The following KIAA1671 variants were observed in gnomAD, a reference collection of about 807,000 sequenced individuals.
The protein encoded by KIAA1671 is KIAA1671.
In KIAA1671, 52 loss-of-function variants were observed where a neutral mutation model predicts 131.2. The observed-to-expected ratio is 0.40, with a 90% CI of 0.32 to 0.50. The LOEUF is 0.50. Among genes scored for constraint, KIAA1671 ranks in the 20% least tolerant of loss-of-function variants. KIAA1671 has a pLI of 0.73. For synonymous variants in KIAA1671, 1,003 were observed against 961.6 expected (o/e 1.04, Z -0.80); for missense variants, 2,360 against 2,364.2 (o/e 1.00, Z 0.04).
At chr22:25,015,548 A>G (rs1925265348) in intron 1 of KIAA1671, among the ~76,000 whole-genome samples, 1 of 152,216 alleles carries the variant, frequency 6.6e-6, no homozygotes, top group Non-Finnish European at 1.5e-5. Flanking sequence ...CCAGATCAGC[A>G]GCTGCACTTG....
intron 6 of KIAA1671, among the ~76,000 whole-genome samples, chr22:25,115,689 T>C (rs926630307): frequency 7.9e-5 from 12 of 152,242 alleles, no homozygotes; most frequent in African/African-American, 2.9e-4. Context: ...TTGTATTTAC[T>C]GTGTGCAGGG....
At chr22:25,104,295 C>G (rs1409460864) in intron 6 of KIAA1671, among the ~76,000 whole-genome samples, 2 of 152,184 alleles carry the variant, frequency 1.3e-5, no homozygotes, top group Non-Finnish European at 2.9e-5. Context: ...TCTTTATTAA[C>G]ATAATATTAG....
chr22:25,029,630 AC>A (rs112794881), intron 3 of KIAA1671, 90 bp downstream of exon 3: 141,547 of 905,476 alleles, frequency 0.16, 17,642 homozygotes, highest in African/African-American at 0.55. Context: ...GGCACTTGTC[AC>A]CCCCCCTCAG....
chr22:25,000,397 T>G (rs1451929084), intron 1 of KIAA1671, among the ~76,000 whole-genome samples: 8 of 88,974 alleles, frequency 9.0e-5, no homozygotes, highest in East Asian at 3.7e-4. Flanking sequence ...GTTTCACCGT[T>G]TTAGCCGGGA....
In KIAA1671 at chr22:25,008,306, C is replaced by A. The variant is rs866603072; in HGVS notation, c.-207-17327C>A. 8.5e-5 allele frequency among the ~76,000 whole-genome samples: 13 copies of A among 152,076 alleles called. 1 individual carries two copies. The highest frequency in any genetic ancestry group is 8.3e-4 in the South Asian group (4 of 4,818). On this transcript the variant is annotated intron_variant, in intron 1 of 12. Transcript: ENST00000358431. ...GAACCCTCCCAGGCCAGGCCAAGCC[C>A]CAGTTTTGGTGCTTGTCTGCCCTGC... is the stretch of plus-strand genomic sequence containing the variant.
intron 1 of KIAA1671, among the ~76,000 whole-genome samples, chr22:24,991,540 T>C (rs1253604479): frequency 2.0e-5 from 3 of 151,204 alleles, no homozygotes; most frequent in African/African-American, 7.3e-5. Flanking sequence ...CACTGCAAGC[T>C]GTACCTCTGG....
At chr22:25,147,662 C>T (rs1024835918) in intron 6 of KIAA1671, among the ~76,000 whole-genome samples, 1 of 152,162 alleles carries the variant, frequency 6.6e-6, no homozygotes, top group Non-Finnish European at 1.5e-5. Flanking sequence ...TATTTAAAAT[C>T]ATAACATTCC....
chr22:25,155,361 G>T (rs1350249650), intron 6 of KIAA1671, among the ~76,000 whole-genome samples: 1 of 152,034 alleles, frequency 6.6e-6, no homozygotes, highest in African/African-American at 2.4e-5. Context: ...GTGCATTTGT[G>T]TGTGTATTAT....
intron 1 of KIAA1671, among the ~76,000 whole-genome samples, chr22:24,970,668 A>C (rs886114507): frequency 1.3e-5 from 2 of 151,860 alleles, no homozygotes; most frequent in Non-Finnish European, 2.9e-5. Context: ...GCCACACTGG[A>C]AGAAGAAAAA....
intron 2 of KIAA1671, among the ~76,000 whole-genome samples, chr22:25,027,149 A>G (rs947152656): frequency 2.2e-4 from 34 of 152,284 alleles, no homozygotes; most frequent in Admixed American, 1.9e-3. Flanking sequence ...TGCGTGTTCA[A>G]CAGAAAAGAA....
rs1482748753 is a variant in KIAA1671, at chr22:25,038,856, G to A, written c.1726G>A (p.Val576Ile). 4 of 1,551,646 alleles carry A rather than the reference G, an allele frequency of 2.6e-6. No individual in the cohort carries two copies. In the South Asian group the frequency reaches 3.6e-5, roughly 14 times the overall value. ...RDKSRQTEQKVSSNQDPDSCR... is the reference protein window; with the variant it reads ...RDKSRQTEQKISSNQDPDSCR... ...TAAGTCCAGGCAGACGGAGCAGAAG[G>A]TTAGCTCTAACCAAGACCCCGACAG... is the stretch of plus-strand genomic sequence containing the variant. Residue 576 changes from valine to isoleucine, a missense_variant, in exon 5 of 13, where the codon GTT (valine) becomes ATT (isoleucine). Around this residue, in one of 3 missense-constraint regions of KIAA1671, gnomAD observed 1,185 missense variants for 1,126.2 expected, o/e 1.05. Coordinates refer to ENST00000358431, the MANE Select transcript of KIAA1671 (RefSeq NM_001145206.2).
At chr22:25,057,709 A>G (rs908665920) in intron 6 of KIAA1671, 6 of 150,952 alleles carry the variant, frequency 4.0e-5, no homozygotes, top group East Asian at 3.9e-4. Flanking sequence ...CAGTGGCACA[A>G]TCATGGCTCA....
chr22:25,051,385 G>A (rs1927523765), intron 6 of KIAA1671: 3 of 152,204 alleles, frequency 2.0e-5, no homozygotes, highest in Non-Finnish European at 2.9e-5. Flanking sequence ...TGACTTCATG[G>A]ACGTCACTAA....
In KIAA1671 at chr22:25,006,704, C is replaced by T. The variant is rs1924768769; in HGVS notation, c.-207-18929C>T. 2.6e-5 allele frequency among the ~76,000 whole-genome samples: 4 copies of T among 152,290 alleles called. No homozygotes were observed. The South Asian group carries it at 6.2e-4, about 24-fold the overall frequency. On this transcript the variant is annotated intron_variant, in intron 1 of 12. Coordinates refer to ENST00000358431, the MANE Select transcript of KIAA1671 (RefSeq NM_001145206.2). Reference sequence around the variant, plus strand: ...GCAAGAGTGTGTCCCTTCTGAGGCTCTTGGGGAGAATCCATTTCCTTGCCT... The same window carrying T: ...GCAAGAGTGTGTCCCTTCTGAGGCTTTTGGGGAGAATCCATTTCCTTGCCT...
intron 4 of KIAA1671, among the ~76,000 whole-genome samples, chr22:25,033,574 G>GGTTTT (rs1261506792): frequency 1.9e-4 from 11 of 58,428 alleles, no homozygotes; most frequent in African/African-American, 7.2e-4. Flanking sequence ...GTTTGTTTTC[G>GGTTTT]TTTTTTTTTT....
At chr22:25,066,815 G>T (rs1219538184) in intron 6 of KIAA1671, among the ~76,000 whole-genome samples, 1 of 151,872 alleles carries the variant, frequency 6.6e-6, no homozygotes, top group Admixed American at 6.6e-5. Flanking sequence ...GTGGTGGGAG[G>T]TGCACAGGGG....
intron 6 of KIAA1671, chr22:25,051,769 A>C (rs7291139): frequency 0.15 from 23,307 of 152,272 alleles, 1,945 homozygotes; most frequent in African/African-American, 0.2. Context: ...GAAATTGGTC[A>C]TACATGCATT....
chr22:25,140,150 G>A (rs1396846094), intron 6 of KIAA1671, among the ~76,000 whole-genome samples: 1 of 152,218 alleles, frequency 6.6e-6, no homozygotes, highest in Non-Finnish European at 1.5e-5. Flanking sequence ...CTGGAGGCTC[G>A]ACGGGAGAAT....
At chr22:25,137,829 G>A (rs17606056) in intron 6 of KIAA1671, among the ~76,000 whole-genome samples, 27,940 of 152,206 alleles carry the variant, frequency 0.18, 3,285 homozygotes, top group Non-Finnish European at 0.25. Flanking sequence ...TTTCCAGTAA[G>A]TAAACAGTTT....
Sources: gnomAD v4.1 joint callset for allele counts (sites outside exome capture counted in the v4.1 genomes callset) on GRCh38, gnomAD v4.1.1 for gene constraint, gnomAD v4.1.1 regional missense constraint, MANE v1.5 for transcripts, NCBI Gene and HGNC (gene_info 2026-07-23, HGNC 2026-07-21) for gene names.